The following FAM83D variants were observed in gnomAD, a reference collection of about 807,000 sequenced individuals.
FAM83D encodes the protein protein FAM83D.
A neutral mutation model predicts 25.4 loss-of-function variants in FAM83D; 26 were observed. That is an observed-to-expected ratio of 1.02 (90% CI 0.75 to 1.42). FAM83D has a LOEUF of 1.42. Among genes scored for constraint, FAM83D ranks in the 40% most tolerant of loss-of-function variants. FAM83D has a pLI of 0.00. For missense variants in FAM83D, 740 were observed against 758.1 expected (o/e 0.98, Z 0.28); for synonymous variants, 310 against 318.5 (o/e 0.97, Z 0.28).
At chr20:38,933,485 T>C (rs977211876) in intron 1 of FAM83D, among the ~76,000 whole-genome samples, 2 of 152,222 alleles carry the variant, frequency 1.3e-5, no homozygotes, top group Admixed American at 6.5e-5. Context: ...CGCCCTCCAG[T>C]TGTGAACCAC....
At position 38,942,137 on chromosome 20, in the gene FAM83D, C is replaced by A. The variant is rs2085705638; in HGVS notation, c.651+11C>A. On this transcript the variant is annotated intron_variant, in intron 2 of 3. Coordinates refer to ENST00000619850, the MANE Select transcript of FAM83D (RefSeq NM_030919.3). ...CCTGAACAGGAAAAGGTTTGTGGTA[C>A]ACTATATCCAGTTTCACCATAGTCA... 6.2e-7 allele frequency: 1 copy of A among 1,613,808 alleles called. No homozygotes were observed. The highest frequency in any genetic ancestry group is 2.2e-5 in the East Asian group (1 of 44,888).
intron 2 of FAM83D, among the ~76,000 whole-genome samples, chr20:38,945,474 C>A (rs1221121332): frequency 6.6e-6 from 1 of 151,978 alleles, no homozygotes; most frequent in African/African-American, 2.4e-5. Flanking sequence ...CCTGAATACT[C>A]TTCACCCAAG....
intron 1 of FAM83D, among the ~76,000 whole-genome samples, chr20:38,940,764 T>C (rs973673443): frequency 6.6e-6 from 1 of 152,108 alleles, no homozygotes; most frequent in Non-Finnish European, 1.5e-5. Context: ...GCAAAAGGTG[T>C]GATTAGAGGC....
At position 38,926,874 on chromosome 20, in the gene FAM83D, C is replaced by T; in HGVS notation, c.432C>T (p.Gly144=). 1 of 1,505,030 alleles carries T rather than the reference C, an allele frequency of 6.6e-7. No homozygotes were observed. The highest frequency in any genetic ancestry group is 8.8e-7 in the Non-Finnish European group (1 of 1,131,658). The allele number at this position is 1,505,030 out of a possible 1,614,324, so 93.2% of individuals were successfully genotyped here. Residue 144 remains glycine (G), a synonymous_variant, in exon 1 of 4, where the codon GGC becomes GGT. Coordinates refer to ENST00000619850, the MANE Select transcript of FAM83D (RefSeq NM_030919.3). The part of the protein sequence containing the change: ...HFQPRGAGEG[G]PYGCKDALRQ... ...AGCCCCGCGGCGCTGGCGAAGGTGG[C>T]CCCTACGGCTGCAAGGACGCTCTGC...
At chr20:38,945,409 T>A (rs767098329) in intron 2 of FAM83D, among the ~76,000 whole-genome samples, 4 of 152,200 alleles carry the variant, frequency 2.6e-5, no homozygotes, top group Non-Finnish European at 5.9e-5. Context: ...TTTTAATTTT[T>A]ATTTTGAAAT....
intron 3 of FAM83D, among the ~76,000 whole-genome samples, chr20:38,948,315 A>C (rs955877009): frequency 6.6e-6 from 1 of 152,166 alleles, no homozygotes; most frequent in Admixed American, 6.5e-5. Context: ...TAACAGCAAC[A>C]CACAGTCTGG....
At chr20:38,934,190 C>G (rs1475408821) in intron 1 of FAM83D, among the ~76,000 whole-genome samples, 1 of 151,960 alleles carries the variant, frequency 6.6e-6, no homozygotes, top group South Asian at 2.1e-4. Context: ...CCCTTAGCGT[C>G]TAGCAGACAG....
chr20:38,952,099 T>C lies in FAM83D; in HGVS notation c.1337T>C (p.Met446Thr), dbSNP rs1383409590. 1 of 1,614,090 alleles carries C rather than the reference T, an allele frequency of 6.2e-7. No homozygotes were observed. Among genetic ancestry groups the C allele is most frequent in the African/African-American group, 1.3e-5 (1 of 74,942 alleles). ...WSRSTTTQTDMDENILFPRGT... is the reference protein window; with the variant it reads ...WSRSTTTQTDTDENILFPRGT... ...AGATCGACCACTACTCAGACTGACATGGATGAGAACATTCTCTTTCCTCGA... is the reference window on the plus strand; with the variant it reads ...AGATCGACCACTACTCAGACTGACACGGATGAGAACATTCTCTTTCCTCGA... Residue 446 changes from methionine to threonine, a missense_variant, in exon 4 of 4, where the codon ATG (methionine) becomes ACG (threonine). Transcript: ENST00000619850.
At chr20:38,936,140 T>C (rs1263505157) in intron 1 of FAM83D, among the ~76,000 whole-genome samples, 3 of 151,932 alleles carry the variant, frequency 2.0e-5, no homozygotes, top group Non-Finnish European at 4.4e-5. Flanking sequence ...ACTTTATGAC[T>C]CTGGGAGGGA....
intron 2 of FAM83D, among the ~76,000 whole-genome samples, chr20:38,946,218 A>AC (rs1568699503): frequency 1.4e-5 from 2 of 147,858 alleles, no homozygotes; most frequent in African/African-American, 5.0e-5. Flanking sequence ...AAAAAAAAAA[A>AC]AACAATTTTT....
chr20:38,945,987 C>G lies in FAM83D; in HGVS notation c.652-1889C>G, dbSNP rs533127723. Among the ~76,000 whole-genome samples the G allele has an allele frequency of 2.0e-5, 3 of 152,052 alleles. No individual in the cohort carries two copies. The South Asian group carries it at 6.2e-4, about 31-fold the overall frequency. On this transcript the variant is annotated intron_variant, in intron 2 of 3. Transcript: ENST00000619850. ...CTTTGGGAGGTTGAGGTGGGCAGAT[C>G]ACCTGAGGTCAGGAGTTTGAGACCA...
rs760558087 is a variant in FAM83D at position 38,926,678 on chromosome 20, G to A, written c.236G>A (p.Gly79Asp). Reference sequence around the variant, plus strand: ...GCGGCGGAGAGGCCGGGAGAGGAGGGCGCGGCGGCGGCGGCGGCGGCCGAG... The same window carrying A: ...GCGGCGGAGAGGCCGGGAGAGGAGGACGCGGCGGCGGCGGCGGCGGCCGAG... ...LRAAERPGEE[G>D]AAAAAAAEDS... The change falls in exon 1 of 4, where the codon GGC becomes GAC. Residue 79 changes from glycine (G) to aspartate (D), a missense_variant. Gly to Asp is a moderately conservative substitution (Grantham distance 94, BLOSUM62 -1). Coordinates refer to ENST00000619850, the MANE Select transcript of FAM83D (RefSeq NM_030919.3). 3 of 1,511,422 alleles carry A rather than the reference G, an allele frequency of 2.0e-6. No individual in the cohort carries two copies. In the Admixed American group the frequency reaches 6.2e-5, roughly 31 times the overall value. 93.6% of individuals were successfully genotyped at this position (1,511,422 alleles called of 1,614,324 possible). A position where few individuals can be genotyped will look rare whatever the true frequency, so the allele number is the denominator to read the frequency against.
intron 1 of FAM83D, among the ~76,000 whole-genome samples, chr20:38,935,818 G>A (rs760364415): frequency 1.3e-5 from 2 of 152,222 alleles, no homozygotes; most frequent in Admixed American, 6.5e-5. Flanking sequence ...AGGTTTCGCT[G>A]TGGGAATTTA....
chr20:38,927,045 C>T (rs1282067530), intron 1 of FAM83D, 120 bp downstream of exon 1: 10 of 1,378,706 alleles, frequency 7.3e-6, no homozygotes, highest in Non-Finnish European at 9.3e-6. Flanking sequence ...CGGAAGCGCG[C>T]GCGGGCTAGG....
chr20:38,951,374 T>C (rs2085753188), intron 3 of FAM83D, among the ~76,000 whole-genome samples, 165 bp from the exon 4 acceptor site: 1 of 152,232 alleles, frequency 6.6e-6, no homozygotes, highest in African/African-American at 2.4e-5. Flanking sequence ...AAATGTTATA[T>C]ATGTGTTAAG....
chr20:38,930,490 A>T (rs1568695003), intron 1 of FAM83D, among the ~76,000 whole-genome samples: 1 of 151,100 alleles, frequency 6.6e-6, no homozygotes, highest in Non-Finnish European at 1.5e-5. Flanking sequence ...GTTTGTTATT[A>T]TTTTTTTTAA....
At chr20:38,945,069 C>T (rs1368228446) in intron 2 of FAM83D, among the ~76,000 whole-genome samples, 3 of 152,126 alleles carry the variant, frequency 2.0e-5, no homozygotes, top group Non-Finnish European at 4.4e-5. Context: ...ATTTGTGCCC[C>T]TTGCTGTATG....
chr20:38,932,583 A>G (rs2085662902), intron 1 of FAM83D, among the ~76,000 whole-genome samples: 1 of 152,228 alleles, frequency 6.6e-6, no homozygotes, highest in African/African-American at 2.4e-5. Context: ...TACTTGCTGT[A>G]GATCCACCCC....
In FAM83D at chr20:38,951,750, C is replaced by T. The variant is rs866530570; in HGVS notation, c.988C>T (p.Leu330=). The T allele has an allele frequency of 6.2e-7, 1 of 1,614,190 alleles. No individual in the cohort carries two copies. ...QSKELTLGNL[L]RMRLARLSST... ...CAAGGAGCTCACCCTGGGCAACCTG[C>T]TGCGGATGCGGCTGGCTAGGCTGTC... is the stretch of plus-strand genomic sequence containing the variant. Residue 330 remains leucine, a synonymous_variant, in exon 4 of 4, where the codon CTG becomes TTG. Coordinates refer to ENST00000619850, the MANE Select transcript of FAM83D (RefSeq NM_030919.3).
Sources: gnomAD v4.1 joint callset for allele counts (sites outside exome capture counted in the v4.1 genomes callset) on GRCh38, gnomAD v4.1.1 for gene constraint, MANE v1.5 for transcripts, NCBI Gene and HGNC (gene_info 2026-07-23, HGNC 2026-07-21) for gene names.